CLCN5: variants seen among roughly 807,000 people sequenced by gnomAD.
The protein encoded by CLCN5 is Cl-/H+ antiporter 5, also known as H(+)/Cl(-) exchange transporter 5.
CLCN5 carries 17 observed loss-of-function variants against 54.0 expected under a neutral mutation model. The ratio of observed to expected loss-of-function variants is 0.31; its 90% CI spans 0.22 to 0.47. The LOEUF (loss-of-function observed/expected upper bound fraction) is 0.47. Ranked by LOEUF, CLCN5 falls within the 20% of genes least tolerant of loss-of-function variation. CLCN5 has a pLI of 1.00. For synonymous variants in CLCN5, 222 were observed against 233.0 expected (o/e 0.95, Z 0.43); for missense variants, 448 against 646.7 (o/e 0.69, Z 3.33).
At chrX:50,076,529 G>GT (rs1246789628) in intron 7 of CLCN5, among the ~76,000 whole-genome samples, 2 of 110,067 alleles carry the variant, frequency 1.8e-5, no homozygotes, top group African/African-American at 6.6e-5. Context: ...ATACGTTTTT[G>GT]TTTTTTTTCT....
intron 3 of CLCN5, among the ~76,000 whole-genome samples, chrX:49,965,841 C>T (rs1207583374): frequency 9.1e-6 from 1 of 109,685 alleles, no homozygotes; most frequent in African/African-American, 3.5e-5. Context: ...TAGATTTTCT[C>T]AAATGGTTTT....
At chrX:50,002,675 CTCTCTCTGTGTGTGTGTGTG>C (rs1328484175) in intron 3 of CLCN5, among the ~76,000 whole-genome samples, 1 of 100,023 alleles carries the variant, frequency 1.0e-5, no homozygotes, top group Non-Finnish European at 2.0e-5. Context: ...CTCTCTCTCT[CTCTCTCTGTGTGTGTGTGTG>C]TGTGTGTGTG....
chrX:50,053,354 T>C (rs1236000224), intron 4 of CLCN5, among the ~76,000 whole-genome samples: 5 of 111,530 alleles, frequency 4.5e-5, no homozygotes, highest in African/African-American at 6.5e-5. Flanking sequence ...TTTTAATGTC[T>C]GAGAGACCGG....
chrX:50,068,171 A>G (rs782544403), intron 4 of CLCN5: 1 of 111,695 alleles, frequency 9.0e-6, no homozygotes, highest in East Asian at 2.8e-4. Context: ...AAAAGTAAAT[A>G]TCTGGTTGTT....
chrX:49,958,962 G>C (rs1413278737), intron 3 of CLCN5, among the ~76,000 whole-genome samples: 1 of 111,659 alleles, frequency 9.0e-6, no homozygotes, highest in Non-Finnish European at 1.9e-5. Context: ...ATCTGCACCT[G>C]CTATAGCTAC....
At chrX:50,031,181 TA>T (rs202111751) in intron 3 of CLCN5, among the ~76,000 whole-genome samples, 1,599 of 112,456 alleles carry the variant, frequency 0.014, 20 homozygotes, top group African/African-American at 0.05. Flanking sequence ...TTAAAGCCAT[TA>T]AAAAACAAAT....
chrX:50,003,988 GCA>G (rs1408295240), intron 3 of CLCN5, among the ~76,000 whole-genome samples: 1 of 112,073 alleles, frequency 8.9e-6, no homozygotes, highest in Non-Finnish European at 1.9e-5. Flanking sequence ...GATGTAATAT[GCA>G]CACACATTTT....
chrX:49,995,010 A>G (rs945322526), intron 3 of CLCN5, among the ~76,000 whole-genome samples: 4 of 112,051 alleles, frequency 3.6e-5, no homozygotes, highest in Non-Finnish European at 7.5e-5. Flanking sequence ...TCTCTAACCC[A>G]TTGAGAAAAT....
chrX:49,932,511 G>A (rs782285798), intron 3 of CLCN5, among the ~76,000 whole-genome samples: 65 of 112,015 alleles, frequency 5.8e-4, no homozygotes, highest in Non-Finnish European at 1.0e-3. Flanking sequence ...AGCAAGGAGC[G>A]CAGCATGTGT....
intron 3 of CLCN5, among the ~76,000 whole-genome samples, chrX:49,939,022 G>A (rs1453121519): frequency 9.3e-6 from 1 of 107,708 alleles, no homozygotes; most frequent in African/African-American, 3.4e-5. Context: ...ATGCAGCCAA[G>A]AAACACATGA....
At chrX:49,924,784 A>G (rs1925261864) in intron 2 of CLCN5, among the ~76,000 whole-genome samples, 1 of 110,931 alleles carries the variant, frequency 9.0e-6, no homozygotes, top group Admixed American at 9.6e-5. Context: ...CTCTCCTTCT[A>G]CTGATTTTTA....
intron 3 of CLCN5, among the ~76,000 whole-genome samples, chrX:50,011,379 A>G (rs1414756669): frequency 8.9e-6 from 1 of 112,417 alleles, no homozygotes; most frequent in African/African-American, 3.2e-5. Context: ...TAAACACACT[A>G]TACATAAATG....
Position 50,062,164 on chromosome X carries a change from C to T in CLCN5, c.164-7715C>T, listed in dbSNP as rs1264009172. Among the ~76,000 whole-genome samples the T allele has an allele frequency of 4.0e-5, 4 of 98,987 alleles. No homozygotes were observed. The Admixed American group carries it at 4.5e-4, about 11-fold the overall frequency. 86.0% of individuals were successfully genotyped at this position (98,987 alleles called of 115,157 possible). A position where few individuals can be genotyped will look rare whatever the true frequency, so the allele number is the denominator to read the frequency against. ...TCAAATTCACACATAACAATATTAACTTTAAATGTAAATGGACTAAATTCT... is the reference window on the plus strand; with the variant it reads ...TCAAATTCACACATAACAATATTAATTTTAAATGTAAATGGACTAAATTCT... On this transcript the variant is annotated intron_variant, in intron 4 of 14. Transcript: ENST00000376091.
chrX:50,080,922 G>T (rs1465661225), intron 8 of CLCN5, among the ~76,000 whole-genome samples: 3 of 111,293 alleles, frequency 2.7e-5, no homozygotes, highest in Non-Finnish European at 3.8e-5. Flanking sequence ...TTAGCCTCCT[G>T]AGGGTTCCTG....
In CLCN5 at chrX:50,095,917, A is replaced by G. The variant is rs1341519743; in HGVS notation, c.*3698A>G. 8.9e-6 allele frequency: 1 copy of G among 112,744 alleles called. No homozygotes were observed. Among genetic ancestry groups the G allele is most frequent in the South Asian group, 3.7e-4 (1 of 2,738 alleles). 9.3% of individuals were successfully genotyped at this position (112,744 alleles called of 1,213,427 possible). ...AGTAGGAAGATGCACTTGTTATCCC[A>G]CACTATCTCTTGTTTTGTTTTGTTT... On this transcript the variant is annotated 3_prime_UTR_variant, in exon 15 of 15. Coordinates refer to ENST00000376091, the MANE Select transcript of CLCN5 (RefSeq NM_001127898.4).
chrX:49,947,211 A>G (rs1926805117), intron 3 of CLCN5, among the ~76,000 whole-genome samples: 1 of 111,773 alleles, frequency 8.9e-6, no homozygotes, highest in African/African-American at 3.3e-5. Context: ...ACTGTCATCC[A>G]CCAAATGTTT....
chrX:49,959,391 C>T (rs782295144), intron 3 of CLCN5, among the ~76,000 whole-genome samples: 13 of 112,415 alleles, frequency 1.2e-4, no homozygotes, highest in Non-Finnish European at 2.3e-4. Flanking sequence ...ATAAGTGCAA[C>T]GCACACCTTC....
intron 3 of CLCN5, among the ~76,000 whole-genome samples, chrX:50,030,496 G>T (rs1557185730): frequency 9.0e-6 from 1 of 111,517 alleles, no homozygotes; most frequent in African/African-American, 3.3e-5. Flanking sequence ...ATCCAAACTG[G>T]AATACCATAT....
chrX:50,093,193 G>A lies in CLCN5; in HGVS notation c.*974G>A, dbSNP rs1934158390. ...CTGGAATATGTAAAAACAGCAAAGG[G>A]AACCAAGTCTAGACTGCATACTGGT... On this transcript the variant is annotated 3_prime_UTR_variant, in exon 15 of 15. Transcript: ENST00000376091. The A allele has an allele frequency of 8.9e-6, 1 of 112,137 alleles. No individual in the cohort carries two copies. The allele number at this position is 112,137 out of a possible 1,213,427, so 9.2% of individuals were successfully genotyped here.
Sources: allele counts gnomAD v4.1 joint callset (sites outside exome capture counted in the v4.1 genomes callset), GRCh38; gene constraint gnomAD v4.1.1; transcripts MANE v1.5; gene names NCBI Gene and HGNC (gene_info 2026-07-23, HGNC 2026-07-21).